Variants in ZNF746 observed in about 807,000 individuals in gnomAD.
The protein encoded by ZNF746 is parkin-interacting substrate.
A neutral mutation model predicts 41.0 loss-of-function variants in ZNF746; 13 were observed. The observed-to-expected ratio is 0.32, with a 90% CI of 0.21 to 0.50. The LOEUF is 0.50. Among genes scored for constraint, ZNF746 ranks in the 20% least tolerant of loss-of-function variants. The probability of loss-of-function intolerance (pLI) is 0.98; values close to 1 mark genes in which losing one functional copy is unlikely to be tolerated. For missense variants in ZNF746, 811 were observed against 922.9 expected (o/e 0.88, Z 1.57); for synonymous variants, 424 against 396.2 (o/e 1.07, Z -0.83).
chr7:149,475,555 C>G, intron 6 of ZNF746, 72 bp from the exon 7 acceptor site: 2 of 1,537,226 alleles, frequency 1.3e-6, no homozygotes, highest in Non-Finnish European at 1.8e-6. Context: ...GCCACCATCA[C>G]CTGCTCAGCA....
chr7:149,494,821 A>G lies in ZNF746; in HGVS notation c.25-318T>C, dbSNP rs913966008. On this transcript the variant is annotated intron_variant, in intron 1 of 6. Coordinates refer to ENST00000458143, the MANE Select transcript of ZNF746 (RefSeq NM_001394198.1). The surrounding 1 kb of genome is among the most constrained non-coding windows in gnomAD (Gnocchi z 5.6). ...TGAACATGGTATTGCATCTTTTCAT[A>G]CCACTGTCCTTGACACATGGCAGGT... 2.0e-5 allele frequency among the ~76,000 whole-genome samples: 3 copies of G among 151,838 alleles called. No homozygotes were observed. The highest frequency in any genetic ancestry group is 3.9e-4 in the East Asian group (2 of 5,144).
intron 4 of ZNF746, among the ~76,000 whole-genome samples, chr7:149,482,669 T>C (rs1255360499): frequency 1.3e-5 from 2 of 152,186 alleles, no homozygotes; most frequent in Non-Finnish European, 2.9e-5. Flanking sequence ...TTTACCATGT[T>C]GGCCAGGCTG....
At chr7:149,488,397 ACT>A (rs774398403) in intron 4 of ZNF746, 8 of 152,282 alleles carry the variant, frequency 5.3e-5, no homozygotes, top group Admixed American at 2.0e-4. Context: ...GACATGTTTG[ACT>A]CTTTCAACAG....
rs984081972 is a variant in ZNF746, at chr7:149,474,289, G to T, written c.*95C>A. ...GCAACTTGGACATTTGGTTCTCCCCGTCCCGCGTCTGCCTGAAGCTTCCAC... is the reference window on the plus strand; with the variant it reads ...GCAACTTGGACATTTGGTTCTCCCCTTCCCGCGTCTGCCTGAAGCTTCCAC... On this transcript the variant is annotated 3_prime_UTR_variant, in exon 7 of 7. Transcript: ENST00000458143. This position sits in a 1 kb window ranked among gnomAD's most constrained non-coding sequence, Gnocchi z 6.3. 5 of 1,420,188 alleles carry T rather than the reference G, an allele frequency of 3.5e-6. No individual in the cohort carries two copies. The East Asian group carries it at 1.2e-4, about 35-fold the overall frequency. The allele number at this position is 1,420,188 out of a possible 1,614,324, so 88.0% of individuals were successfully genotyped here.
intron 6 of ZNF746, among the ~76,000 whole-genome samples, chr7:149,476,346 A>C (rs2116639371): frequency 6.8e-6 from 1 of 147,866 alleles, no homozygotes; most frequent in Admixed American, 6.7e-5. Context: ...AAAAAAAAGA[A>C]TGTGTTTGAT....
rs1202652649 is a variant in ZNF746, at chr7:149,493,897, A to C, written c.451+92T>G. ...AGGTCAACAATGTTTCTGGTGATTT[A>C]TATAACACTGACATGAAAACAACTA... On this transcript the variant is annotated intron_variant, in intron 3 of 6. Transcript: ENST00000458143. The C allele has an allele frequency of 6.3e-6, 10 of 1,599,726 alleles. No homozygotes were observed. The East Asian group carries it at 2.0e-4, about 32-fold the overall frequency.
At chr7:149,493,189 TG>T (rs1010608520) in intron 3 of ZNF746, among the ~76,000 whole-genome samples, 1 of 152,140 alleles carries the variant, frequency 6.6e-6, no homozygotes, top group African/African-American at 2.4e-5. Context: ...GACTGGCATC[TG>T]GAGATGCCCT....
intron 4 of ZNF746, among the ~76,000 whole-genome samples, chr7:149,482,534 G>A (rs1441371351): frequency 3.4e-5 from 5 of 149,200 alleles, no homozygotes; most frequent in South Asian, 2.1e-4. Context: ...GTGCAATCTC[G>A]GCTCACTACA....
At chr7:149,490,379 C>T (rs1477882630) in intron 4 of ZNF746, 1 of 152,228 alleles carries the variant, frequency 6.6e-6, no homozygotes, top group East Asian at 1.9e-4. Context: ...GCCAGCTTAC[C>T]TGGTTCTCTG....
In ZNF746 at chr7:149,477,386, C is replaced by T. The variant is rs371426626; in HGVS notation, c.757+178G>A. Among the ~76,000 whole-genome samples, 349 of 152,250 alleles carry T rather than the reference C, an allele frequency of 2.3e-3. 15 individuals carry two copies. The South Asian group carries it at 0.071, about 31-fold the overall frequency. On this transcript the variant is annotated intron_variant, in intron 5 of 6. Coordinates refer to ENST00000458143, the MANE Select transcript of ZNF746 (RefSeq NM_001394198.1). ...ACACCCAGGGACAGCATCAGCCACC[C>T]GAGAGAGGCTCGAGACAAGTCCTTT... is the stretch of plus-strand genomic sequence containing the variant.
chr7:149,476,055 C>G (rs1800290168), intron 6 of ZNF746, among the ~76,000 whole-genome samples: 1 of 152,312 alleles, frequency 6.6e-6, no homozygotes, highest in East Asian at 1.9e-4. Context: ...TGGCTCACGC[C>G]TATAATCCCA....
chr7:149,495,260 C>G (rs1800955794), intron 1 of ZNF746, among the ~76,000 whole-genome samples: 1 of 152,082 alleles, frequency 6.6e-6, no homozygotes, highest in Non-Finnish European at 1.5e-5. Context: ...TTTCTCTTTC[C>G]CAATTCCCAC....
In ZNF746 at chr7:149,473,769, A is replaced by T. The variant is rs1800179264; in HGVS notation, c.*615T>A. On this transcript the variant is annotated 3_prime_UTR_variant, in exon 7 of 7. Transcript: ENST00000458143. ...CCCAAAATAGAGAAAAGTTGGGGCC[A>T]GCACTTTTGGGGGGCCTTTTCAGGA... 1 of 156,412 alleles carries T rather than the reference A, an allele frequency of 6.4e-6. No homozygotes were observed. The highest frequency in any genetic ancestry group is 1.4e-5 in the Non-Finnish European group (1 of 70,398). The allele number at this position is 156,412 out of a possible 1,614,324, so 9.7% of individuals were successfully genotyped here. A position where few individuals can be genotyped will look rare whatever the true frequency, so the allele number is the denominator to read the frequency against.
At chr7:149,492,392 C>G (rs934693861) in intron 4 of ZNF746, among the ~76,000 whole-genome samples, 7 of 152,236 alleles carry the variant, frequency 4.6e-5, no homozygotes, top group African/African-American at 1.7e-4. Flanking sequence ...ATGTAACACA[C>G]AGAACATACA....
At position 149,496,823 on chromosome 7, in the gene ZNF746, C is replaced by G. The variant is rs1801012131; in HGVS notation, c.24+690G>C. ...AGCACTCACCCCTTTCTGTTTTGCA[C>G]GATTATTGCCCGCGTACCTGCCTGC... On this transcript the variant is annotated intron_variant, in intron 1 of 6. Coordinates refer to ENST00000458143, the MANE Select transcript of ZNF746 (RefSeq NM_001394198.1). 5.1e-6 allele frequency: 5 copies of G among 985,290 alleles called. No individual in the cohort carries two copies. In the South Asian group the frequency reaches 1.9e-4, roughly 37 times the overall value. 61.0% of individuals were successfully genotyped at this position (985,290 alleles called of 1,614,324 possible).
chr7:149,487,100 G>A (rs1025736867), intron 4 of ZNF746, among the ~76,000 whole-genome samples: 1 of 152,052 alleles, frequency 6.6e-6, no homozygotes, highest in East Asian at 1.9e-4. Context: ...ACAGCAGCGC[G>A]AACCCTATTG....
chr7:149,491,223 T>G (rs1800796422), intron 4 of ZNF746: 1 of 152,406 alleles, frequency 6.6e-6, no homozygotes, highest in Admixed American at 6.5e-5. Context: ...GGAGTTTGTG[T>G]CTACTCATCT....
chr7:149,475,580 C>A, intron 6 of ZNF746, 97 bp from the exon 7 acceptor site: 1 of 1,516,042 alleles, frequency 6.6e-7, no homozygotes. Context: ...CCTGGCCAGA[C>A]AAACTCCACC....
intron 4 of ZNF746, among the ~76,000 whole-genome samples, chr7:149,482,198 T>G (rs1055600886): frequency 6.6e-6 from 1 of 152,218 alleles, no homozygotes; most frequent in Admixed American, 6.5e-5. Flanking sequence ...TGGCTACTGT[T>G]TGGATATTTA....
Sources: gnomAD v4.1 joint callset for allele counts (sites outside exome capture counted in the v4.1 genomes callset) on GRCh38, gnomAD v4.1.1 for gene constraint, Gnocchi (gnomAD v3.1) non-coding constraint, MANE v1.5 for transcripts, NCBI Gene and HGNC (gene_info 2026-07-23, HGNC 2026-07-21) for gene names.